LMBR1: variants seen among roughly 807,000 people sequenced by gnomAD.
The protein encoded by LMBR1 is limb region 1 protein homolog.
Under a neutral mutation model 73.9 loss-of-function variants are expected in LMBR1, and 52 were observed. The observed-to-expected ratio is 0.70, with a 90% CI of 0.56 to 0.89. The LOEUF (loss-of-function observed/expected upper bound fraction) is 0.89. LMBR1 is among the 40% of genes least tolerant of loss of function. The pLI is 0.00. For missense variants in LMBR1, 539 were observed against 579.8 expected (o/e 0.93, Z 0.72); for synonymous variants, 215 against 209.4 (o/e 1.03, Z -0.23).
At chr7:156,714,566 G>A (rs538552053) in intron 15 of LMBR1, among the ~76,000 whole-genome samples, 35 of 152,308 alleles carry the variant, frequency 2.3e-4, no homozygotes, top group African/African-American at 8.4e-4. Context: ...GTTACCTTAA[G>A]GAAACTGTAC....
Position 156,670,722 on chromosome 7 carries a change from C to T in LMBR1, n.867-1435G>A, listed in dbSNP as rs1458904208. Among the ~76,000 whole-genome samples the T allele has an allele frequency of 4.6e-5, 7 of 152,100 alleles. No homozygotes were observed. Among genetic ancestry groups the T allele is most frequent in the South Asian group, 2.1e-4 (1 of 4,824 alleles). ...CTCCGTGTGTCGGGAGAGACCTAAC[C>T]GCCAGTCTAGACTCCCATGTGAACC... On this transcript the variant is annotated intron_variant and non_coding_transcript_variant, in intron 4 of 4. Transcript: ENST00000430825. The surrounding 1 kb of genome is among the most constrained non-coding windows in gnomAD (Gnocchi z 4.3).
In LMBR1 at chr7:156,734,162, A is replaced by T; in HGVS notation, c.838+15T>A. On this transcript the variant is annotated intron_variant, in intron 10 of 16. Coordinates refer to ENST00000353442, the MANE Select transcript of LMBR1 (RefSeq NM_022458.4). ...CAAGGCCAATACACAAGTCAAGAAA[A>T]AAAAAGTACAATACCTAATTTTGTC... is the stretch of plus-strand genomic sequence containing the variant. 2 of 1,556,366 alleles carry T rather than the reference A, an allele frequency of 1.3e-6. No homozygotes were observed. The highest frequency in any genetic ancestry group is 1.7e-6 in the Non-Finnish European group (2 of 1,143,836).
chr7:156,751,728 G>A (rs887181043), intron 9 of LMBR1, among the ~76,000 whole-genome samples: 1 of 152,226 alleles, frequency 6.6e-6, no homozygotes, highest in African/African-American at 2.4e-5. Context: ...TTAAGAGAAA[G>A]AGACTCCAAG....
At chr7:156,714,877 C>T (rs1346439120) in intron 15 of LMBR1, among the ~76,000 whole-genome samples, 2 of 152,050 alleles carry the variant, frequency 1.3e-5, no homozygotes, top group Non-Finnish European at 2.9e-5. Flanking sequence ...TAGACTGCCA[C>T]GCCAAGGAAA....
chr7:156,866,231 C>G (rs1798438414), intron 1 of LMBR1, among the ~76,000 whole-genome samples: 1 of 152,142 alleles, frequency 6.6e-6, no homozygotes, highest in East Asian at 1.9e-4. Context: ...GACAACGAAA[C>G]TCTCCAAAAG....
chr7:156,790,284 C>T (rs186698847), intron 5 of LMBR1, among the ~76,000 whole-genome samples: 1 of 152,180 alleles, frequency 6.6e-6, no homozygotes, highest in African/African-American at 2.4e-5. Flanking sequence ...CTAATAATAA[C>T]TGCTATTTAA....
intron 5 of LMBR1, among the ~76,000 whole-genome samples, chr7:156,772,836 C>T (rs73166136): frequency 0.11 from 15,582 of 140,414 alleles, 1,066 homozygotes; most frequent in East Asian, 0.28. Flanking sequence ...CGACAAAAAA[C>T]GAAAAGAGAA....
intron 4 of LMBR1, among the ~76,000 whole-genome samples, chr7:156,825,297 CT>C (rs1835485269): frequency 3.3e-5 from 5 of 152,144 alleles, no homozygotes; most frequent in Non-Finnish European, 5.9e-5. Flanking sequence ...ATAACACCAA[CT>C]AACTACATTA....
chr7:156,683,803 C>T lies in LMBR1; in HGVS notation c.*275G>A. Reference sequence around the variant, plus strand: ...TTTTCATATGGGTGATTGTATTTACCAACATGAGCAAATGTCTACAGAAGA... The same window carrying T: ...TTTTCATATGGGTGATTGTATTTACTAACATGAGCAAATGTCTACAGAAGA... On this transcript the variant is annotated 3_prime_UTR_variant, in exon 17 of 17. Coordinates refer to ENST00000353442, the MANE Select transcript of LMBR1 (RefSeq NM_022458.4). 1 of 306,138 alleles carries T rather than the reference C, an allele frequency of 3.3e-6. No homozygotes were observed. The highest frequency in any genetic ancestry group is 1.3e-4 in the South Asian group (1 of 7,886). 19.0% of individuals were successfully genotyped at this position (306,138 alleles called of 1,614,324 possible). A position where few individuals can be genotyped will look rare whatever the true frequency, so the allele number is the denominator to read the frequency against.
chr7:156,826,161 G>T (rs745917993), intron 4 of LMBR1, among the ~76,000 whole-genome samples: 5 of 151,936 alleles, frequency 3.3e-5, no homozygotes, highest in Non-Finnish European at 5.9e-5. Flanking sequence ...TATATTTTTA[G>T]TAGAGACAGG....
chr7:156,763,981 A>G (rs962892452), intron 5 of LMBR1, among the ~76,000 whole-genome samples, 186 bp from the exon 6 acceptor site: 2 of 152,166 alleles, frequency 1.3e-5, no homozygotes, highest in Non-Finnish European at 1.5e-5. Flanking sequence ...ATTATGGAAA[A>G]TATTATTAAG....
chr7:156,841,360 A>G (rs1481556899), intron 1 of LMBR1, among the ~76,000 whole-genome samples: 1 of 152,104 alleles, frequency 6.6e-6, no homozygotes, highest in East Asian at 1.9e-4. Context: ...CCAGGCCATA[A>G]ATTTTTTAAA....
chr7:156,763,089 A>G lies in LMBR1; in HGVS notation c.619+19T>C, dbSNP rs754491944. The stretch of plus-strand genomic sequence containing the variant: ...ACAACTCTACTTTTCTCTTAATATC[A>G]AGTCTGAAAAATACTTACAGAGAAG... On this transcript the variant is annotated intron_variant, in intron 7 of 16. Coordinates refer to ENST00000353442, the MANE Select transcript of LMBR1 (RefSeq NM_022458.4). The G allele has an allele frequency of 1.1e-5, 13 of 1,214,816 alleles. No homozygotes were observed. The highest frequency in any genetic ancestry group is 1.4e-5 in the Non-Finnish European group (12 of 844,210). 75.3% of individuals were successfully genotyped at this position (1,214,816 alleles called of 1,614,324 possible).
At chr7:156,748,464 A>C (rs1282152955) in intron 9 of LMBR1, among the ~76,000 whole-genome samples, 3 of 151,774 alleles carry the variant, frequency 2.0e-5, no homozygotes, top group African/African-American at 7.3e-5. Context: ...GGTATATTAA[A>C]TTCATCTTCT....
At chr7:156,802,907 T>C (rs1359905523) in intron 4 of LMBR1, among the ~76,000 whole-genome samples, 1 of 152,118 alleles carries the variant, frequency 6.6e-6, no homozygotes, top group Non-Finnish European at 1.5e-5. Context: ...GGGAAAGGAT[T>C]CCCTATTTAA....
intron 1 of LMBR1, among the ~76,000 whole-genome samples, chr7:156,886,209 G>A (rs1405727106): frequency 6.6e-6 from 1 of 152,126 alleles, no homozygotes; most frequent in Non-Finnish European, 1.5e-5. Context: ...CCTACAAGGT[G>A]GCAATCCTGA....
At chr7:156,826,563 T>C (rs765184225) in intron 4 of LMBR1, 42 bp downstream of exon 4, 4 of 1,245,594 alleles carry the variant, frequency 3.2e-6, no homozygotes, top group Non-Finnish European at 3.2e-6. Flanking sequence ...CAGTAAAAAA[T>C]TAAAATATTA....
At chr7:156,829,024 G>T (rs923047574) in intron 3 of LMBR1, among the ~76,000 whole-genome samples, 1 of 151,460 alleles carries the variant, frequency 6.6e-6, no homozygotes. Flanking sequence ...CCGCTTTTAC[G>T]TGCCTACCTT....
chr7:156,884,904 A>G lies in LMBR1; in HGVS notation c.66+8024T>C, dbSNP rs139368152. ...ATCTCCTGCATAAAGGGTAAGCCATAGAGTTGAGGGCAAGACACCAGTAGA... is the reference window on the plus strand; with the variant it reads ...ATCTCCTGCATAAAGGGTAAGCCATGGAGTTGAGGGCAAGACACCAGTAGA... On this transcript the variant is annotated intron_variant, in intron 1 of 16. Transcript: ENST00000353442. Among the ~76,000 whole-genome samples, 8 of 152,370 alleles carry G rather than the reference A, an allele frequency of 5.3e-5. No individual in the cohort carries two copies. The East Asian group carries it at 1.3e-3, about 26-fold the overall frequency.
Sources: allele counts gnomAD v4.1 joint callset (sites outside exome capture counted in the v4.1 genomes callset), GRCh38; gene constraint gnomAD v4.1.1; non-coding constraint Gnocchi (gnomAD v3.1); transcripts MANE v1.5; gene names NCBI Gene and HGNC (gene_info 2026-07-23, HGNC 2026-07-21).